The following STKLD1 variants were observed in gnomAD, a reference collection of about 807,000 sequenced individuals.
STKLD1 encodes the protein serine/threonine kinase-like domain-containing protein STKLD1.
In STKLD1, 79 loss-of-function variants were observed where a neutral mutation model predicts 80.4. The ratio of observed to expected loss-of-function variants is 0.98; its 90% CI spans 0.82 to 1.19. The LOEUF (loss-of-function observed/expected upper bound fraction) is 1.19. STKLD1 is among the 50% of genes most tolerant of loss of function. The pLI is 0.00. For synonymous variants in STKLD1, 393 were observed against 357.6 expected (o/e 1.10, Z -1.12); for missense variants, 841 against 856.0 (o/e 0.98, Z 0.22).
chr9:133,391,386 G>A (rs1838394212), intron 7 of STKLD1, among the ~76,000 whole-genome samples: 1 of 151,320 alleles, frequency 6.6e-6, no homozygotes, highest in Non-Finnish European at 1.5e-5. Flanking sequence ...CATTGAGAAC[G>A]GGCCATGATG....
chr9:133,380,241 G>C (rs1838099759), intron 2 of STKLD1, among the ~76,000 whole-genome samples: 1 of 151,858 alleles, frequency 6.6e-6, no homozygotes, highest in South Asian at 2.1e-4. Context: ...TCACCGTGTT[G>C]CCCAGGCTGG....
At chr9:133,401,112 G>A (rs1554777536) in intron 12 of STKLD1, among the ~76,000 whole-genome samples, 1 of 148,058 alleles carries the variant, frequency 6.8e-6, no homozygotes, top group Admixed American at 6.7e-5. Flanking sequence ...TAGCTTTGAT[G>A]ATTTTTTTTG....
chr9:133,401,368 C>T (rs1282818525), intron 12 of STKLD1, among the ~76,000 whole-genome samples: 2 of 152,062 alleles, frequency 1.3e-5, no homozygotes, highest in African/African-American at 4.8e-5. Context: ...GAACTCCTGA[C>T]ATCGTGATCC....
rs587715256 is a variant in STKLD1, at chr9:133,404,879, C to T, written c.1823C>T (p.Pro608Leu). The change falls in exon 17 of 18, where the codon CCG becomes CTG. Residue 608 changes from proline to leucine, a missense_variant. Pro to Leu is a moderately conservative substitution (Grantham distance 98). Transcript: ENST00000371957. The stretch of plus-strand genomic sequence containing the variant: ...ACCTACCAGCTCCACAGGGACGACC[C>T]GGAGGTGGTGGAGAACGTGGGCATG... ...KETYQLHRDD[P>L]EVVENVGMLL... The T allele has an allele frequency of 1.7e-5, 27 of 1,613,350 alleles. No homozygotes were observed. The highest frequency in any genetic ancestry group is 8.0e-5 in the African/African-American group (6 of 75,038).
At chr9:133,399,981 G>A (rs587596114) in intron 11 of STKLD1, among the ~76,000 whole-genome samples, 1 of 152,086 alleles carries the variant, frequency 6.6e-6, no homozygotes, top group South Asian at 2.1e-4. Flanking sequence ...AGGGATGGCT[G>A]CCTGGCCACT....
At chr9:133,378,428 T>G (rs1838054720) in intron 1 of STKLD1, among the ~76,000 whole-genome samples, 1 of 152,280 alleles carries the variant, frequency 6.6e-6, no homozygotes, top group African/African-American at 2.4e-5. Context: ...CTCTCCAGAT[T>G]TGGCTCAAAT....
At chr9:133,402,313 C>G (rs1554777837) in intron 13 of STKLD1, among the ~76,000 whole-genome samples, 1 of 152,150 alleles carries the variant, frequency 6.6e-6, no homozygotes, top group Non-Finnish European at 1.5e-5. Context: ...CGGGTGGGCA[C>G]TGTTCTCCCC....
intron 1 of STKLD1, among the ~76,000 whole-genome samples, chr9:133,378,079 G>A (rs1440886231): frequency 6.6e-6 from 1 of 152,196 alleles, no homozygotes; most frequent in Non-Finnish European, 1.5e-5. Context: ...GAGCCATGGG[G>A]AGCGGCTGTA....
chr9:133,393,241 T>A (rs1838457866), intron 7 of STKLD1, among the ~76,000 whole-genome samples: 1 of 114,264 alleles, frequency 8.8e-6, no homozygotes, highest in African/African-American at 3.3e-5. Context: ...GACGGATGGA[T>A]GAATGGGAGG....
At chr9:133,402,813 C>T (rs1838741992) in intron 13 of STKLD1, 65 bp from the exon 14 acceptor site, 1 of 1,546,166 alleles carries the variant, frequency 6.5e-7, no homozygotes, top group Admixed American at 1.9e-5. Flanking sequence ...TGCCCAAGGA[C>T]AACAGAGGCA....
rs2130271177 is a variant in STKLD1, at chr9:133,383,856, G to A, written c.175G>A (p.Val59Met). 5 of 1,613,836 alleles carry A rather than the reference G, an allele frequency of 3.1e-6. No homozygotes were observed. The African/African-American group carries it at 6.7e-5, about 22-fold the overall frequency. Residue 59 changes from valine to methionine, a missense_variant and splice_region_variant, in exon 3 of 18, where the codon GTG becomes ATG. Physicochemically the swap from Val to Met is conservative, Grantham distance 21. Coordinates refer to ENST00000371957, the MANE Select transcript of STKLD1 (RefSeq NM_153710.5). ...ETKVKHVIKQ[V>M]ECMDDHYASQ... ...AGCTCATGCTCTTGTGCCCTTGCAGGTGGAATGCATGGATGACCATTACGC... is the reference window on the plus strand; with the variant it reads ...AGCTCATGCTCTTGTGCCCTTGCAGATGGAATGCATGGATGACCATTACGC...
In STKLD1 at chr9:133,395,601, G is replaced by A. The variant is rs369287196; in HGVS notation, c.704G>A (p.Gly235Asp). The A allele has an allele frequency of 1.1e-5, 18 of 1,612,758 alleles. No homozygotes were observed. The highest frequency in any genetic ancestry group is 1.4e-5 in the Non-Finnish European group (17 of 1,179,924). ...CAGAGCTGTCCTCTCTCCGTGCAGG[G>A]CACAGAAGCCATGCATCTGCGGAAG... ...LDMTSCSFMD[G>D]TEAMHLRKSL... The change falls in exon 9 of 18, where the codon GGC becomes GAC. Residue 235 changes from glycine (G) to aspartate (D), a missense_variant and splice_region_variant. By Grantham distance (94) the Gly-to-Asp change is moderately conservative. Transcript: ENST00000371957.
In STKLD1 at chr9:133,403,810, T is replaced by C. The variant is rs35283679; in HGVS notation, c.1585T>C (p.Trp529Arg). The C allele has an allele frequency of 2.6e-3, 4,173 of 1,613,540 alleles. 70 individuals carry two copies. The African/African-American group carries it at 0.044, about 17-fold the overall frequency. ...EMAEASCGVF[W>R]LLSLLGCIKE... ...GGCAGAAGCCAGCTGCGGAGTCTTC[T>C]GGCTGCTGTCCCTGCTGGGTGAGCT... The change falls in exon 15 of 18, where the codon TGG becomes CGG. Residue 529 changes from tryptophan (W) to arginine (R), a missense_variant. Transcript: ENST00000371957.
intron 9 of STKLD1, 199 bp downstream of exon 9, chr9:133,395,962 G>C: frequency 1.8e-6 from 1 of 551,642 alleles, no homozygotes; most frequent in South Asian, 2.5e-5. Flanking sequence ...CCGAATGTAC[G>C]GTGGAGTGAG....
intron 9 of STKLD1, among the ~76,000 whole-genome samples, chr9:133,396,796 T>C (rs1025350848): frequency 3.3e-5 from 5 of 151,976 alleles, no homozygotes; most frequent in Non-Finnish European, 7.4e-5. Context: ...AAACCCAACA[T>C]ATAGCAAGGA....
intron 5 of STKLD1, chr9:133,387,913 C>T (rs2130281264): frequency 2.8e-5 from 13 of 468,322 alleles, no homozygotes; most frequent in Non-Finnish European, 4.7e-5. Context: ...TTGTGAGCCC[C>T]GCGGTGCTGC....
At position 133,390,213 on chromosome 9, in the gene STKLD1, A is replaced by T. The variant is rs1838355853; in HGVS notation, c.468-468A>T. Reference sequence around the variant, plus strand: ...ACTTAAAACACACACACACACACACACACACACACACACACACACACACAC... The same window carrying T: ...ACTTAAAACACACACACACACACACTCACACACACACACACACACACACAC... On this transcript the variant is annotated intron_variant, in intron 6 of 17. Coordinates refer to ENST00000371957, the MANE Select transcript of STKLD1 (RefSeq NM_153710.5). This position sits in a 1 kb window ranked among gnomAD's most constrained non-coding sequence, Gnocchi z 5.1. Among the ~76,000 whole-genome samples the T allele has an allele frequency of 7.1e-6, 1 of 139,888 alleles. No individual in the cohort carries two copies. The highest frequency in any genetic ancestry group is 1.5e-5 in the Non-Finnish European group (1 of 66,402). 91.8% of individuals were successfully genotyped at this position (139,888 alleles called of 152,430 possible).
chr9:133,388,860 C>G, intron 5 of STKLD1: 1 of 985,406 alleles, frequency 1.0e-6, no homozygotes, highest in Non-Finnish European at 1.2e-6. Context: ...GAGGCAGGCC[C>G]GGAGTGAGTT....
In STKLD1 at chr9:133,405,329, C is replaced by T. The variant is rs782731949; in HGVS notation, c.1951C>T (p.Leu651=). Residue 651 remains leucine, a synonymous_variant, in exon 18 of 18, where the codon CTG becomes TTG. Transcript: ENST00000371957. ...QEIKERFTSS[L]VSDSSAFSKP... is the part of the protein sequence containing the mutation. The stretch of plus-strand genomic sequence containing the variant: ...GATCAAGGAGCGCTTCACCTCCAGC[C>T]TGGTGAGTGACAGCAGCGCCTTCAG... 1 of 1,612,978 alleles carries T rather than the reference C, an allele frequency of 6.2e-7. No homozygotes were observed. Among genetic ancestry groups the T allele is most frequent in the Non-Finnish European group, 8.5e-7 (1 of 1,179,928 alleles).
Sources: gnomAD v4.1 joint callset for allele counts (sites outside exome capture counted in the v4.1 genomes callset) on GRCh38, gnomAD v4.1.1 for gene constraint, Gnocchi (gnomAD v3.1) non-coding constraint, MANE v1.5 for transcripts, NCBI Gene and HGNC (gene_info 2026-07-23, HGNC 2026-07-21) for gene names.